SLCO2B1: variants seen among roughly 807,000 people sequenced by gnomAD.
The protein encoded by SLCO2B1 is OATP-RP2.
Under a neutral mutation model 67.3 loss-of-function variants are expected in SLCO2B1, and 41 were observed. That is an observed-to-expected ratio of 0.61 (90% CI 0.47 to 0.79). SLCO2B1 has a LOEUF of 0.79. Ranked by LOEUF, SLCO2B1 falls within the 30% of genes least tolerant of loss-of-function variation. The pLI is 0.00. For synonymous variants in SLCO2B1, 379 were observed against 381.4 expected (o/e 0.99, Z 0.07); for missense variants, 837 against 920.1 (o/e 0.91, Z 1.17).
At chr11:75,190,730 T>A (rs1945009610) in intron 8 of SLCO2B1, among the ~76,000 whole-genome samples, 1 of 152,076 alleles carries the variant, frequency 6.6e-6, no homozygotes, top group Non-Finnish European at 1.5e-5. Flanking sequence ...AGAAGCATAG[T>A]CCCTAGACTG....
At chr11:75,200,483 G>GACAC in intron 11 of SLCO2B1, 96 bp downstream of exon 11, 3 of 1,307,510 alleles carry the variant, frequency 2.3e-6, no homozygotes, top group Non-Finnish European at 3.1e-6. Context: ...AAGAAAGGAG[G>GACAC]CCACTTGGGT....
chr11:75,202,790 G>A, intron 11 of SLCO2B1, 111 bp from the exon 12 acceptor site: 1 of 919,656 alleles, frequency 1.1e-6, no homozygotes, highest in Non-Finnish European at 1.8e-6. Context: ...AGAGAGGCTG[G>A]CTCTGGGTGG....
At chr11:75,170,045 T>C in intron 6 of SLCO2B1, 1 of 382,624 alleles carries the variant, frequency 2.6e-6, no homozygotes, top group Non-Finnish European at 4.8e-6. Flanking sequence ...ACTGGGAGTC[T>C]TCGCCTTGTT....
chr11:75,174,322 T>C (rs1388935276), intron 7 of SLCO2B1, among the ~76,000 whole-genome samples: 2 of 151,850 alleles, frequency 1.3e-5, no homozygotes, highest in African/African-American at 4.8e-5. Flanking sequence ...GTTGAATGTT[T>C]TTGCTGCAAG....
Position 75,193,024 on chromosome 11 carries a change from C to G in SLCO2B1, c.1076-194C>G, listed in dbSNP as rs1945047175. Among the ~76,000 whole-genome samples the G allele has an allele frequency of 6.6e-6, 1 of 151,186 alleles. No individual in the cohort carries two copies. The highest frequency in any genetic ancestry group is 1.9e-4 in the East Asian group (1 of 5,154). On this transcript the variant is annotated intron_variant, in intron 8 of 13. Transcript: ENST00000289575. The surrounding 1 kb of genome is among the most constrained non-coding windows in gnomAD (Gnocchi z 4.2). ...CGCCACTGCACCCCAGCCTGGGCGACAGAGAGAGAAAAAAAAAGGGACTAG... is the reference window on the plus strand; with the variant it reads ...CGCCACTGCACCCCAGCCTGGGCGAGAGAGAGAGAAAAAAAAAGGGACTAG...
At chr11:75,173,496 G>C (rs1351110983) in intron 7 of SLCO2B1, among the ~76,000 whole-genome samples, 2 of 152,218 alleles carry the variant, frequency 1.3e-5, no homozygotes, top group African/African-American at 4.8e-5. Flanking sequence ...GCACAGTCTA[G>C]GGAGGACACA....
chr11:75,200,130 T>C (rs1055847047), intron 10 of SLCO2B1, 94 bp from the exon 11 acceptor site: 3 of 1,337,976 alleles, frequency 2.2e-6, no homozygotes, highest in Non-Finnish European at 3.1e-6. Flanking sequence ...GCTGTGGAAC[T>C]TGGGCCTCTC....
intron 4 of SLCO2B1, among the ~76,000 whole-genome samples, chr11:75,167,754 C>T (rs1949909881): frequency 1.3e-5 from 2 of 152,194 alleles, no homozygotes; most frequent in African/African-American, 4.8e-5. Flanking sequence ...ATTACTTCCT[C>T]ACAAGTGAGG....
In SLCO2B1 at chr11:75,206,244, T is replaced by C. The variant is rs1443858388; in HGVS notation, c.*1664T>C. 6.6e-6 allele frequency: 1 copy of C among 152,262 alleles called. No individual in the cohort carries two copies. The highest frequency in any genetic ancestry group is 1.5e-5 in the Non-Finnish European group (1 of 68,048). The allele number at this position is 152,262 out of a possible 1,614,324, so 9.4% of individuals were successfully genotyped here. ...TAGATACAGCTTATTATTAAATTTG[T>C]TCTTGCATAATGTCTCTTCTATTAC... On this transcript the variant is annotated 3_prime_UTR_variant, in exon 14 of 14. Coordinates refer to ENST00000289575, the MANE Select transcript of SLCO2B1 (RefSeq NM_007256.5).
At chr11:75,179,406 A>G (rs986181326) in intron 7 of SLCO2B1, among the ~76,000 whole-genome samples, 1 of 151,372 alleles carries the variant, frequency 6.6e-6, no homozygotes, top group Non-Finnish European at 1.5e-5. Context: ...TAATTTTTGT[A>G]TTTTTAGTAG....
In SLCO2B1 at chr11:75,193,357, A is replaced by G. The variant is rs758023298; in HGVS notation, c.1215A>G (p.Thr405=). ...TCCTGGAGCGCCAGTTTTCCATCAC[A>G]GCCTCCTACGCCAACCTGCTCATCG... ...PKFLERQFSI[T]ASYANLLIGC... Residue 405 remains threonine, a synonymous_variant, in exon 9 of 14, where the codon ACA becomes ACG. Coordinates refer to ENST00000289575, the MANE Select transcript of SLCO2B1 (RefSeq NM_007256.5). The surrounding 1 kb of genome is among the most constrained non-coding windows in gnomAD (Gnocchi z 4.2). The G allele has an allele frequency of 1.9e-6, 3 of 1,614,162 alleles. No individual in the cohort carries two copies. In the East Asian group the frequency reaches 6.7e-5, roughly 36 times the overall value.
In SLCO2B1 at chr11:75,187,659, G is replaced by A. The variant is rs944460500; in HGVS notation, c.973-477G>A. Among the ~76,000 whole-genome samples, 7 of 152,272 alleles carry A rather than the reference G, an allele frequency of 4.6e-5. No homozygotes were observed. In the South Asian group the frequency reaches 1.5e-3, roughly 32 times the overall value. Reference sequence around the variant, plus strand: ...TGATTCTGAAGGTTCAGGTGACAGTGATAATGATGATTGTGCTGGTGGTGG... The same window carrying A: ...TGATTCTGAAGGTTCAGGTGACAGTAATAATGATGATTGTGCTGGTGGTGG... On this transcript the variant is annotated intron_variant, in intron 7 of 13. Transcript: ENST00000289575.
chr11:75,166,736 CCTTTT>C (rs1949897568), intron 4 of SLCO2B1, among the ~76,000 whole-genome samples: 1 of 152,210 alleles, frequency 6.6e-6, no homozygotes, highest in African/African-American at 2.4e-5. Flanking sequence ...GGGAATCAGT[CCTTTT>C]TACTCTAGGG....
intron 7 of SLCO2B1, among the ~76,000 whole-genome samples, chr11:75,172,946 C>T (rs1949982904): frequency 6.6e-6 from 1 of 150,796 alleles, no homozygotes; most frequent in African/African-American, 2.4e-5. Flanking sequence ...AAAAAAATTA[C>T]ACTGCATCCC....
intron 1 of SLCO2B1, among the ~76,000 whole-genome samples, chr11:75,160,476 C>G (rs1444346540): frequency 2.0e-5 from 3 of 152,204 alleles, no homozygotes; most frequent in African/African-American, 7.2e-5. Context: ...GCATGGAGCC[C>G]AGACTACAGC....
At chr11:75,204,231 C>G (rs908500592) in intron 13 of SLCO2B1, 169 bp from the exon 14 acceptor site, 20 of 633,912 alleles carry the variant, frequency 3.2e-5, no homozygotes, top group Admixed American at 2.5e-4. Context: ...CTGCTCCCAC[C>G]CAGGGCTCCT....
At chr11:75,175,429 GC>G (rs1337108382) in intron 7 of SLCO2B1, among the ~76,000 whole-genome samples, 1 of 152,168 alleles carries the variant, frequency 6.6e-6, no homozygotes, top group Non-Finnish European at 1.5e-5. Flanking sequence ...GAGAGAATGG[GC>G]AAGAGGAGAA....
Position 75,204,483 on chromosome 11 carries a change from AAG to A in SLCO2B1, c.2036_2037del (p.Glu679GlyfsTer42). The A allele has an allele frequency of 1.9e-6, 3 of 1,613,632 alleles. No homozygotes were observed. Among genetic ancestry groups the A allele is most frequent in the Non-Finnish European group, 2.5e-6 (3 of 1,179,730 alleles). The stretch of plus-strand genomic sequence containing the variant: ...TTGGCTGTCCTGAGGCAGCAGGACA[AAG>A]AGGCAAGGACCAAAGAGAGCAGATC... On this transcript the variant is annotated frameshift_variant, in exon 14 of 14. Transcript: ENST00000289575. LOFTEE classifies it low-confidence loss of function (END_TRUNC).
At chr11:75,190,393 G>A (rs147803266) in intron 8 of SLCO2B1, among the ~76,000 whole-genome samples, 49 of 152,336 alleles carry the variant, frequency 3.2e-4, no homozygotes, top group Non-Finnish European at 5.9e-4. Flanking sequence ...AGGGAAGGCC[G>A]AGGGAGGAGG....
Sources: gnomAD v4.1 joint callset for allele counts (sites outside exome capture counted in the v4.1 genomes callset) on GRCh38, gnomAD v4.1.1 for gene constraint, Gnocchi (gnomAD v3.1) non-coding constraint, MANE v1.5 for transcripts, NCBI Gene and HGNC (gene_info 2026-07-23, HGNC 2026-07-21) for gene names.